Variants in ITSN1 observed in about 807,000 individuals in gnomAD.
The protein encoded by ITSN1 is intersectin-1.
Under a neutral mutation model 239.8 loss-of-function variants are expected in ITSN1, and 58 were observed. The ratio of observed to expected loss-of-function variants is 0.24; its 90% CI spans 0.20 to 0.30. ITSN1 has a LOEUF of 0.30. Ranked by LOEUF, ITSN1 falls within the 10% of genes least tolerant of loss-of-function variation. The pLI is 1.00. For synonymous variants in ITSN1, 780 were observed against 770.8 expected (o/e 1.01, Z -0.20); for missense variants, 1,558 against 2,103.3 (o/e 0.74, Z 5.07).
chr21:33,717,922 G>A (rs547382297), intron 1 of ITSN1, among the ~76,000 whole-genome samples: 12 of 152,166 alleles, frequency 7.9e-5, no homozygotes, highest in Non-Finnish European at 1.6e-4. Context: ...TTTTCACATC[G>A]GCTGTTGATG....
chr21:33,754,472 G>A (rs939165764), intron 7 of ITSN1, among the ~76,000 whole-genome samples: 1 of 152,170 alleles, frequency 6.6e-6, no homozygotes, highest in Non-Finnish European at 1.5e-5. Flanking sequence ...GTCCTGGAAG[G>A]GGAATGCCAG....
chr21:33,721,570 C>T (rs2065482606), intron 3 of ITSN1, among the ~76,000 whole-genome samples: 1 of 151,784 alleles, frequency 6.6e-6, no homozygotes, highest in Admixed American at 6.6e-5. Context: ...CCGAGGTGGG[C>T]AGATCCCTTG....
At chr21:33,779,922 C>T (rs2070013000) in intron 14 of ITSN1, among the ~76,000 whole-genome samples, 1 of 152,002 alleles carries the variant, frequency 6.6e-6, no homozygotes, top group African/African-American at 2.4e-5. Context: ...ACCTCTGCTT[C>T]CCGAGTTCGA....
intron 31 of ITSN1, among the ~76,000 whole-genome samples, chr21:33,862,615 G>A (rs1456490518): frequency 2.6e-5 from 4 of 152,146 alleles, no homozygotes; most frequent in Admixed American, 6.5e-5. Flanking sequence ...CAGGGCAGCC[G>A]CGTCTGGGAA....
rs149492333 is a variant in ITSN1, at chr21:33,878,241, C to T, written c.4341+2720C>T. The stretch of plus-strand genomic sequence containing the variant: ...AGAGACAAGGACTCACCATGTTGCC[C>T]AGGCTGGTCTCAAACTCCTGAGCTC... On this transcript the variant is annotated intron_variant, in intron 34 of 39. Transcript: ENST00000381318. Among the ~76,000 whole-genome samples, 10 of 152,250 alleles carry T rather than the reference C, an allele frequency of 6.6e-5. No individual in the cohort carries two copies. In the East Asian group the frequency reaches 1.9e-3, roughly 29 times the overall value.
chr21:33,830,670 C>T (rs965501305), intron 27 of ITSN1, among the ~76,000 whole-genome samples: 8 of 152,102 alleles, frequency 5.3e-5, no homozygotes, highest in South Asian at 2.1e-4. Flanking sequence ...AAGAAAACCA[C>T]GCTGTCAAGG....
At chr21:33,876,885 A>T (rs1337640509) in intron 34 of ITSN1, among the ~76,000 whole-genome samples, 1 of 147,520 alleles carries the variant, frequency 6.8e-6, no homozygotes, top group Non-Finnish European at 1.5e-5. Context: ...CAACAAACAG[A>T]TATAGATATA....
At chr21:33,768,308 G>T (rs766314268) in intron 11 of ITSN1, among the ~76,000 whole-genome samples, 13 of 152,098 alleles carry the variant, frequency 8.5e-5, no homozygotes, top group Non-Finnish European at 1.8e-4. Flanking sequence ...TTGAGATGGA[G>T]TCTCACTCTG....
chr21:33,852,331 T>C (rs918581255), intron 29 of ITSN1, among the ~76,000 whole-genome samples: 2 of 152,264 alleles, frequency 1.3e-5, no homozygotes, highest in African/African-American at 4.8e-5. Flanking sequence ...TTCAAAATTC[T>C]GCTTCTCATT....
chr21:33,885,085 T>C lies in ITSN1; in HGVS notation c.4721T>C (p.Ile1574Thr). The change falls in exon 37 of 40, where the codon ATA becomes ACA. Residue 1574 changes from isoleucine (I) to threonine (T), a missense_variant. By Grantham distance (89) the Ile-to-Thr change is moderately conservative (BLOSUM62 -1). Coordinates refer to ENST00000381318, the MANE Select transcript of ITSN1 (RefSeq NM_003024.3). Reference sequence around the variant, plus strand: ...ATCAAAGCTGCTTCTGAACTCTACATAGAGACTGAGAAAAAGAAGCGCGAG... The same window carrying C: ...ATCAAAGCTGCTTCTGAACTCTACACAGAGACTGAGAAAAAGAAGCGCGAG... ...QKIKAASELY[I>T]ETEKKKREKA... 1 of 1,614,114 alleles carries C rather than the reference T, an allele frequency of 6.2e-7. No individual in the cohort carries two copies. Among genetic ancestry groups the C allele is most frequent in the Non-Finnish European group, 8.5e-7 (1 of 1,180,004 alleles).
At chr21:33,756,861 G>C (rs2067958714) in intron 8 of ITSN1, 1 of 152,106 alleles carries the variant, frequency 6.6e-6, no homozygotes, top group Non-Finnish European at 1.5e-5. Flanking sequence ...CCACCTCCTG[G>C]GTTCAAGTGA....
chr21:33,822,196 G>A (rs2073720258), intron 24 of ITSN1, among the ~76,000 whole-genome samples: 1 of 152,224 alleles, frequency 6.6e-6, no homozygotes, highest in Non-Finnish European at 1.5e-5. Flanking sequence ...TCCAGGGGCT[G>A]CCCACGTGAG....
intron 17 of ITSN1, among the ~76,000 whole-genome samples, chr21:33,795,653 G>A (rs1378055077): frequency 2.0e-5 from 3 of 152,030 alleles, no homozygotes; most frequent in Non-Finnish European, 4.4e-5. Flanking sequence ...TTGGGGGTCA[G>A]ACTAAGGATC....
chr21:33,668,828 C>CA (rs1339775347), intron 1 of ITSN1, among the ~76,000 whole-genome samples: 1 of 152,186 alleles, frequency 6.6e-6, no homozygotes, highest in East Asian at 1.9e-4. Context: ...ACAGGAATTC[C>CA]AGGGAAAAGT....
chr21:33,819,967 C>T (rs1047492576), intron 24 of ITSN1, among the ~76,000 whole-genome samples: 6 of 151,894 alleles, frequency 4.0e-5, no homozygotes, highest in African/African-American at 1.2e-4. Context: ...CCGGCCTGGG[C>T]GACAGAGCGA....
chr21:33,716,728 C>T (rs1279529415), intron 1 of ITSN1, among the ~76,000 whole-genome samples: 2 of 151,550 alleles, frequency 1.3e-5, no homozygotes, highest in Non-Finnish European at 1.5e-5. Flanking sequence ...CCGAGACAGG[C>T]GGATCACAAG....
Position 33,888,312 on chromosome 21 carries a change from A to G in ITSN1, c.*12A>G. On this transcript the variant is annotated 3_prime_UTR_variant, in exon 40 of 40. Transcript: ENST00000381318. ...TTGATGAGCCGTAGGCAGCGGGCTCAGGGTGTGCTCAGCAGGGTCCCAGCC... is the reference window on the plus strand; with the variant it reads ...TTGATGAGCCGTAGGCAGCGGGCTCGGGGTGTGCTCAGCAGGGTCCCAGCC... 1 of 1,608,316 alleles carries G rather than the reference A, an allele frequency of 6.2e-7. No individual in the cohort carries two copies. The highest frequency in any genetic ancestry group is 8.5e-7 in the Non-Finnish European group (1 of 1,176,924).
At chr21:33,768,908 A>G (rs1383612003) in intron 11 of ITSN1, among the ~76,000 whole-genome samples, 1 of 152,260 alleles carries the variant, frequency 6.6e-6, no homozygotes, top group African/African-American at 2.4e-5. Context: ...TACATGGTTC[A>G]TACTTTCTAG....
At chr21:33,879,682 A>G (rs948931524) in intron 34 of ITSN1, among the ~76,000 whole-genome samples, 3 of 151,990 alleles carry the variant, frequency 2.0e-5, no homozygotes, top group Non-Finnish European at 4.4e-5. Context: ...ATCAGTTGTC[A>G]TCCTTCTTTT....
Sources: allele counts gnomAD v4.1 joint callset (sites outside exome capture counted in the v4.1 genomes callset), GRCh38; gene constraint gnomAD v4.1.1; transcripts MANE v1.5; gene names NCBI Gene and HGNC (gene_info 2026-07-23, HGNC 2026-07-21).